ABCD3: variants seen among roughly 807,000 people sequenced by gnomAD.
ABCD3 encodes ATP binding cassette subfamily D member 3.
ABCD3 carries 41 observed loss-of-function variants against 105.5 expected under a neutral mutation model. The ratio of observed to expected loss-of-function variants is 0.39; its 90% CI spans 0.30 to 0.50. The LOEUF (loss-of-function observed/expected upper bound fraction) is 0.50, where lower values mean the gene tolerates loss of function less well. Among genes scored for constraint, ABCD3 ranks in the 20% least tolerant of loss-of-function variants. The pLI is 0.84. For missense variants in ABCD3, 622 were observed against 806.3 expected, an observed-to-expected ratio of 0.77 and a Z score of 2.77; for synonymous variants, 258 against 269.0, an observed-to-expected ratio of 0.96 and a Z score of 0.40.
At chr1:94,513,528 A>G (rs1472536667) in intron 21 of ABCD3, 1 of 152,112 alleles carries the variant, frequency 6.6e-6, no homozygotes, top group Non-Finnish European at 1.5e-5. Flanking sequence ...TACAAAACTA[A>G]TATAAACTTA....
chr1:94,418,449 CCT>C lies in ABCD3; in HGVS notation c.-28_-27del. On this transcript the variant is annotated 5_prime_UTR_variant, in exon 1 of 23. Transcript: ENST00000370214. ...CGCCGCCGCCGCCGCCGCCGCGTCC[CCT>C]CGCCGGCTCGCTGGTACCGGCAGTG... The C allele has an allele frequency of 1.3e-6, 2 of 1,549,652 alleles. No homozygotes were observed. The highest frequency in any genetic ancestry group is 1.1e-5 in the South Asian group (1 of 87,590).
chr1:94,515,345 A>G (rs1396904871), intron 22 of ABCD3, 143 bp downstream of exon 22: 5 of 699,586 alleles, frequency 7.1e-6, no homozygotes, highest in African/African-American at 1.8e-5. Context: ...GTTTTATAAA[A>G]TAGGATTTTC....
Position 94,517,148 on chromosome 1 carries a change from A to G in ABCD3, c.*19A>G, listed in dbSNP as rs1650954608. On this transcript the variant is annotated 3_prime_UTR_variant, in exon 23 of 23. Transcript: ENST00000370214. The stretch of plus-strand genomic sequence containing the variant: ...CTCTTAGAGAAATCTGGAGAACTAT[A>G]CCTGCTTCAGTGAAATAATTACAGA... 2 of 1,546,278 alleles carry G rather than the reference A, an allele frequency of 1.3e-6. No homozygotes were observed. Among genetic ancestry groups the G allele is most frequent in the Non-Finnish European group, 1.8e-6 (2 of 1,119,266 alleles).
At chr1:94,446,257 C>T (rs1423905424) in intron 1 of ABCD3, among the ~76,000 whole-genome samples, 2 of 152,234 alleles carry the variant, frequency 1.3e-5, no homozygotes, top group Admixed American at 6.5e-5. Context: ...CAATGTCTGT[C>T]CCCTGCCACA....
At chr1:94,418,009 T>C (rs1360631611), upstream of ABCD3, among the ~76,000 whole-genome samples, 2 of 152,220 alleles carry the variant, frequency 1.3e-5, no homozygotes, top group African/African-American at 2.4e-5. Flanking sequence ...CCTGGGCTCC[T>C]TTAAGAGGGT....
At position 94,498,583 on chromosome 1, in the gene ABCD3, A is replaced by AT. The variant is rs4148066; in HGVS notation, c.1387-4dup. ...TTTGATTTAATTACTTCACAGACTG[A>AT]TTTTTTTTTTTTTTTCAGGTTCGAT... On this transcript the variant is annotated intron_variant, in intron 16 of 22. Transcript: ENST00000370214. 0.08 allele frequency: 105,111 copies of AT among 1,317,114 alleles called. No homozygotes were observed. The highest frequency in any genetic ancestry group is 0.09 in the Non-Finnish European group (84,816 of 945,460). 81.6% of individuals were successfully genotyped at this position (1,317,114 alleles called of 1,614,324 possible). A position where few individuals can be genotyped will look rare whatever the true frequency, so the allele number is the denominator to read the frequency against.
At chr1:94,492,210 A>T (rs1384798257) in intron 16 of ABCD3, among the ~76,000 whole-genome samples, 1 of 151,984 alleles carries the variant, frequency 6.6e-6, no homozygotes, top group African/African-American at 2.4e-5. Flanking sequence ...GCTAATGTGC[A>T]TGGCCATCTG....
At chr1:94,510,369 T>A (rs2101063615) in intron 21 of ABCD3, among the ~76,000 whole-genome samples, 1 of 152,254 alleles carries the variant, frequency 6.6e-6, no homozygotes, top group Admixed American at 6.5e-5. Context: ...TTGTTATAAT[T>A]TCTGTTCTTT....
chr1:94,424,961 G>A (rs185384932), intron 1 of ABCD3, among the ~76,000 whole-genome samples: 1 of 152,264 alleles, frequency 6.6e-6, no homozygotes, highest in African/African-American at 2.4e-5. Context: ...ATATTTGTTT[G>A]ACTCTACAAC....
chr1:94,455,870 T>C, intron 1 of ABCD3: 1 of 1,225,202 alleles, frequency 8.2e-7, no homozygotes, highest in South Asian at 1.4e-5. Flanking sequence ...AATCTCCATT[T>C]ATCTCTAAGT....
intron 20 of ABCD3, 150 bp from the exon 21 acceptor site, chr1:94,506,388 C>A: frequency 1.7e-6 from 1 of 600,600 alleles, no homozygotes; most frequent in East Asian, 3.1e-5. Context: ...TATATTGTTT[C>A]TATTTCTGGG....
At position 94,512,374 on chromosome 1, in the gene ABCD3, C is replaced by T. The variant is rs550047763; in HGVS notation, c.1846-2772C>T. On this transcript the variant is annotated intron_variant, in intron 21 of 22. Transcript: ENST00000370214. ...TTTATGTAAAACAACATATTTAAAT[C>T]TCTTTATAATTCTCTTTATATATGG... Among the ~76,000 whole-genome samples the T allele has an allele frequency of 3.5e-4, 53 of 151,436 alleles. 1 individual carries two copies. The South Asian group carries it at 9.0e-3, about 26-fold the overall frequency.
At chr1:94,393,845 T>A in the ABCD3 span, among the ~76,000 whole-genome samples, 1 of 152,150 alleles carries the variant, frequency 6.6e-6, no homozygotes, top group Non-Finnish European at 1.5e-5. Flanking sequence ...ATACGATTGA[T>A]CCATAAAGTC....
chr1:94,404,344 A>G, the ABCD3 span, among the ~76,000 whole-genome samples: 1 of 152,348 alleles, frequency 6.6e-6, no homozygotes, highest in Non-Finnish European at 1.5e-5. Flanking sequence ...ACAACCCTGC[A>G]CAAGACTGAG....
At chr1:94,416,138 T>C (rs1658995922), upstream of ABCD3, among the ~76,000 whole-genome samples, 1 of 152,240 alleles carries the variant, frequency 6.6e-6, no homozygotes, top group Non-Finnish European at 1.5e-5. Flanking sequence ...TAATCTTGCT[T>C]GTACTTCCTT....
chr1:94,502,573 C>T (rs1320520980), intron 20 of ABCD3, among the ~76,000 whole-genome samples: 2 of 151,380 alleles, frequency 1.3e-5, no homozygotes, highest in South Asian at 2.1e-4. Flanking sequence ...CTCAGCTTAC[C>T]GTAATCTCTG....
intron 13 of ABCD3, among the ~76,000 whole-genome samples, chr1:94,489,328 A>T (rs1317722054): frequency 6.6e-6 from 1 of 152,074 alleles, no homozygotes. Flanking sequence ...CCTTGGATAG[A>T]AAGACCAGCT....
At chr1:94,454,823 T>C (rs915863254) in intron 1 of ABCD3, among the ~76,000 whole-genome samples, 3 of 152,096 alleles carry the variant, frequency 2.0e-5, no homozygotes, top group Non-Finnish European at 4.4e-5. Flanking sequence ...AGCTAATTTT[T>C]ATATTTTTAG....
At chr1:94,433,383 A>G (rs1659764925) in intron 1 of ABCD3, among the ~76,000 whole-genome samples, 1 of 149,130 alleles carries the variant, frequency 6.7e-6, no homozygotes, top group African/African-American at 2.5e-5. Context: ...GAAACTCCTG[A>G]CCTCAGGTGA....
Sources: gnomAD v4.1 joint callset for allele counts (sites outside exome capture counted in the v4.1 genomes callset) on GRCh38, gnomAD v4.1.1 for gene constraint, MANE v1.5 for transcripts, NCBI Gene and HGNC (gene_info 2026-07-23, HGNC 2026-07-21) for gene names.